Variants in TBX15 observed in about 807,000 individuals in gnomAD.
TBX15 encodes the protein T-box transcription factor TBX15.
Under a neutral mutation model 53.9 loss-of-function variants are expected in TBX15, and 18 were observed. The ratio of observed to expected loss-of-function variants is 0.33; its 90% CI spans 0.23 to 0.49. TBX15 has a LOEUF of 0.49. Among genes scored for constraint, TBX15 ranks in the 20% least tolerant of loss-of-function variants. TBX15 has a pLI of 0.98. For synonymous variants in TBX15, 295 were observed against 278.0 expected, an observed-to-expected ratio of 1.06 and a Z score of -0.61; for missense variants, 692 against 749.5, an observed-to-expected ratio of 0.92 and a Z score of 0.90.
chr1:118,914,057 G>A (rs368363741), intron 6 of TBX15, 58 bp downstream of exon 6: 30 of 1,559,884 alleles, frequency 1.9e-5, no homozygotes, highest in African/African-American at 2.7e-5. Context: ...CCATCAGCAG[G>A]ATGTGAGGGA....
intron 1 of TBX15, among the ~76,000 whole-genome samples, chr1:118,941,642 T>C (rs1023824485): frequency 1.2e-4 from 19 of 152,246 alleles, no homozygotes; most frequent in Non-Finnish European, 2.9e-5. Flanking sequence ...ATATTCATTT[T>C]CTAGGCTGGG....
intron 4 of TBX15, among the ~76,000 whole-genome samples, chr1:118,923,875 C>A (rs1033418146): frequency 1.3e-5 from 2 of 152,070 alleles, no homozygotes; most frequent in East Asian, 1.9e-4. Context: ...TCTTTAGTAC[C>A]AATGGACATG....
At chr1:118,919,436 A>T (rs556513666) in intron 5 of TBX15, among the ~76,000 whole-genome samples, 1 of 152,300 alleles carries the variant, frequency 6.6e-6, no homozygotes, top group East Asian at 1.9e-4. Context: ...GAGAGCCAAT[A>T]ATAGTAATAA....
At chr1:118,908,730 C>T (rs554091210) in intron 6 of TBX15, among the ~76,000 whole-genome samples, 12 of 152,132 alleles carry the variant, frequency 7.9e-5, no homozygotes, top group East Asian at 3.9e-4. Context: ...TGAACACACA[C>T]GTACACCTAC....
chr1:118,980,451 A>G (rs1278109936), intron 1 of TBX15, among the ~76,000 whole-genome samples: 3 of 152,290 alleles, frequency 2.0e-5, no homozygotes, highest in East Asian at 3.9e-4. Context: ...TTAATCCTCT[A>G]AAGTGTATGG....
intron 7 of TBX15, among the ~76,000 whole-genome samples, chr1:118,886,122 G>A (rs978951759): frequency 1.3e-5 from 2 of 152,106 alleles, no homozygotes; most frequent in East Asian, 1.9e-4. Flanking sequence ...GATTGAAGTT[G>A]CATCACATAA....
At chr1:118,903,769 C>A (rs1654718825) in intron 6 of TBX15, among the ~76,000 whole-genome samples, 1 of 152,154 alleles carries the variant, frequency 6.6e-6, no homozygotes, top group Non-Finnish European at 1.5e-5. Flanking sequence ...AGAAAAGACA[C>A]AGGGTCTCTA....
chr1:118,987,933 G>A lies in TBX15; in HGVS notation c.-138C>T, dbSNP rs1264988705. 1 of 1,080,974 alleles carries A rather than the reference G, an allele frequency of 9.3e-7. No homozygotes were observed. Among genetic ancestry groups the A allele is most frequent in the Non-Finnish European group, 1.3e-6 (1 of 762,376 alleles). 67.0% of individuals were successfully genotyped at this position (1,080,974 alleles called of 1,614,324 possible). A position where few individuals can be genotyped will look rare whatever the true frequency, so the allele number is the denominator to read the frequency against. On this transcript the variant is annotated 5_prime_UTR_variant, in exon 1 of 8. Coordinates refer to ENST00000369429, the MANE Select transcript of TBX15 (RefSeq NM_001330677.2). ...GACGAGGCTGAGACTGCGGCTCGCG[G>A]GTCTCTCCACCCTCCCCCTGCGTCC... is the stretch of plus-strand genomic sequence containing the variant.
chr1:118,942,657 G>A lies in TBX15; in HGVS notation c.206-10825C>T, dbSNP rs183867647. Among the ~76,000 whole-genome samples the A allele has an allele frequency of 3.9e-3, 589 of 152,238 alleles. 2 individuals carry two copies. Among genetic ancestry groups the A allele is most frequent in the Middle Eastern group, 6.8e-3 (2 of 292 alleles). ...TGTGAGCTGTGTCAAACTGAGTGGC[G>A]AGGTCTGACCCGAAATCTTTCAGGG... On this transcript the variant is annotated intron_variant, in intron 1 of 7. Transcript: ENST00000369429.
chr1:118,908,622 A>C (rs1654920680), intron 6 of TBX15, among the ~76,000 whole-genome samples: 2 of 151,986 alleles, frequency 1.3e-5, no homozygotes, highest in Non-Finnish European at 2.9e-5. Flanking sequence ...AGAAAATAAA[A>C]CAATTTCCCT....
chr1:118,897,455 C>A (rs76839227), intron 7 of TBX15, among the ~76,000 whole-genome samples: 1,549 of 152,270 alleles, frequency 0.01, 32 homozygotes, highest in African/African-American at 0.036. Context: ...CTCCATGATA[C>A]AAACTCCTGC....
In TBX15 at chr1:118,883,379, A is replaced by C. The variant is rs768925858; in HGVS notation, c.*1353T>G. 1.3e-5 allele frequency: 2 copies of C among 152,618 alleles called. No individual in the cohort carries two copies. Among genetic ancestry groups the C allele is most frequent in the Admixed American group, 1.3e-4 (2 of 15,286 alleles). 9.5% of individuals were successfully genotyped at this position (152,618 alleles called of 1,614,324 possible). Reference sequence around the variant, plus strand: ...TTGAAGGGAAAGGGAAAGATGAAGGACAAAACCCAAAACTTCAAAATGCAA... The same window carrying C: ...TTGAAGGGAAAGGGAAAGATGAAGGCCAAAACCCAAAACTTCAAAATGCAA... On this transcript the variant is annotated 3_prime_UTR_variant, in exon 8 of 8. Transcript: ENST00000369429.
intron 5 of TBX15, among the ~76,000 whole-genome samples, chr1:118,917,388 G>C (rs1349818401): frequency 6.6e-6 from 1 of 152,104 alleles, no homozygotes; most frequent in African/African-American, 2.4e-5. Context: ...TAGACACAGG[G>C]AAGGGAACAA....
rs1421809818 is a variant in TBX15 at position 118,884,811 on chromosome 1, T to C, written c.1730A>G (p.Gln577Arg). Reference sequence around the variant, plus strand: ...CCGGCCATCACAAGTGTTGGTTGCCTGTTGGTTATTGGGTGAAGGGCTAAT... The same window carrying C: ...CCGGCCATCACAAGTGTTGGTTGCCCGTTGGTTATTGGGTGAAGGGCTAAT... ...HMISPSPNNQ[Q>R]ATNTCDGRQY... is the part of the protein sequence containing the mutation. Residue 577 changes from glutamine to arginine, a missense_variant, in exon 8 of 8, where the codon CAG becomes CGG. Physicochemically the swap from Gln to Arg is conservative, Grantham distance 43 (BLOSUM62 1). Coordinates refer to ENST00000369429, the MANE Select transcript of TBX15 (RefSeq NM_001330677.2). 6.2e-7 allele frequency: 1 copy of C among 1,614,092 alleles called. No individual in the cohort carries two copies. Among genetic ancestry groups the C allele is most frequent in the Non-Finnish European group, 8.5e-7 (1 of 1,179,996 alleles).
intron 6 of TBX15, among the ~76,000 whole-genome samples, chr1:118,913,748 C>T (rs557536657): frequency 2.9e-4 from 44 of 152,108 alleles, no homozygotes; most frequent in Non-Finnish European, 4.7e-4. Context: ...GTCTACAACT[C>T]CTTGTTTCCT....
intron 6 of TBX15, among the ~76,000 whole-genome samples, chr1:118,904,510 A>G (rs558603146): frequency 6.6e-6 from 1 of 152,196 alleles, no homozygotes; most frequent in African/African-American, 2.4e-5. Flanking sequence ...GTATATCTAC[A>G]TGATGAAGTA....
chr1:118,931,791 C>A lies in TBX15; in HGVS notation c.247G>T (p.Glu83Ter). The A allele has an allele frequency of 1.2e-6, 2 of 1,601,560 alleles. No homozygotes were observed. The highest frequency in any genetic ancestry group is 2.2e-5 in the South Asian group (2 of 89,718). ...STGSDSEVLT[E>*]RTSCSFSTHT... is the part of the protein sequence containing the mutation. ...GTACTGAAGGAGCAGGAAGTCCGCT[C>A]AGTGAGGACCTCAGAATCTGAACCA... The change falls in exon 2 of 8, where the codon GAG becomes TAG. Residue 83 changes from glutamate to a stop codon, truncating the protein, a stop_gained. Coordinates refer to ENST00000369429, the MANE Select transcript of TBX15 (RefSeq NM_001330677.2). LOFTEE classifies it high-confidence loss of function.
chr1:118,898,247 C>G (rs534867897), intron 7 of TBX15, among the ~76,000 whole-genome samples: 8 of 152,102 alleles, frequency 5.3e-5, no homozygotes, highest in Non-Finnish European at 8.8e-5. Flanking sequence ...TAAAACCTGA[C>G]AGATTTCAGC....
At chr1:118,945,461 C>A (rs899848030) in intron 1 of TBX15, among the ~76,000 whole-genome samples, 1 of 152,140 alleles carries the variant, frequency 6.6e-6, no homozygotes, top group African/African-American at 2.4e-5. Flanking sequence ...GCACACAGAG[C>A]AGGTCTAGGT....
Sources: gnomAD v4.1 joint callset for allele counts (sites outside exome capture counted in the v4.1 genomes callset) on GRCh38, gnomAD v4.1.1 for gene constraint, MANE v1.5 for transcripts, NCBI Gene and HGNC (gene_info 2026-07-23, HGNC 2026-07-21) for gene names.